The following NOS1 variants were observed in gnomAD, a reference collection of about 807,000 sequenced individuals.
The protein encoded by NOS1 is NOS type I.
In NOS1, 51 loss-of-function variants were observed where a neutral mutation model predicts 164.5. That is an observed-to-expected ratio of 0.31 (90% confidence interval 0.25 to 0.39). The LOEUF is 0.39. Ranked by LOEUF, NOS1 falls within the 10% of genes least tolerant of loss-of-function variation. The pLI is 1.00. For synonymous variants in NOS1, 719 were observed against 745.8 expected (o/e 0.96, Z 0.59); for missense variants, 1,362 against 1,885.6 (o/e 0.72, Z 5.14).
intron 7 of NOS1, among the ~76,000 whole-genome samples, chr12:117,283,334 T>C (rs1203636939): frequency 6.6e-6 from 1 of 152,150 alleles, no homozygotes; most frequent in Admixed American, 6.5e-5. Flanking sequence ...CTTGCTGGGA[T>C]TTCGGGCGTG....
intron 8 of NOS1, among the ~76,000 whole-genome samples, chr12:117,280,454 G>A (rs2136009935): frequency 6.6e-6 from 1 of 152,274 alleles, no homozygotes; most frequent in South Asian, 2.1e-4. Flanking sequence ...TAACTCACTT[G>A]GCCTTGGTGA....
Position 117,352,238 on chromosome 12 carries a change from A to T in NOS1, c.-421+9274T>A, listed in dbSNP as rs564143839. Among the ~76,000 whole-genome samples, 26 of 152,228 alleles carry T rather than the reference A, an allele frequency of 1.7e-4. No individual in the cohort carries two copies. The South Asian group carries it at 2.1e-3, about 12-fold the overall frequency. ...ATGCATACATAATACAGTGTTCAAG[A>T]GCCGATGTCATGGCACTGAACACTC... is the stretch of plus-strand genomic sequence containing the variant. On this transcript the variant is annotated intron_variant, in intron 1 of 28. Transcript: ENST00000317775.
chr12:117,339,707 G>A (rs1876007370), intron 1 of NOS1, among the ~76,000 whole-genome samples: 1 of 152,170 alleles, frequency 6.6e-6, no homozygotes, highest in Admixed American at 6.5e-5. Context: ...TAAATAAGCA[G>A]GAGATTAGAG....
Position 117,227,590 on chromosome 12 carries a change from C to T in NOS1, c.3457G>A (p.Glu1153Lys). 6.2e-7 allele frequency: 1 copy of T among 1,614,084 alleles called. No homozygotes were observed. Among genetic ancestry groups the T allele is most frequent in the Non-Finnish European group, 8.5e-7 (1 of 1,179,978 alleles). The change falls in exon 23 of 29, where the codon GAG (glutamate) becomes AAG (lysine). Residue 1153 changes from glutamate (E) to lysine (K), a missense_variant. Transcript: ENST00000317775. ...ATAGATGGGAACTCCTCCAGCACCT[C>T]CACGATGGTGGGGTTCTTGCCCCAT... ...WKWGKNPTIV[E>K]VLEEFPSIQM...
rs764017238 is a variant in NOS1 at position 117,234,590 on chromosome 12, C to A, written c.3210G>T (p.Leu1070=). Residue 1070 remains leucine (L), a synonymous_variant, in exon 21 of 29, where the codon CTG becomes CTT. Transcript: ENST00000317775. The surrounding 1 kb of genome is among the most constrained non-coding windows in gnomAD (Gnocchi z 4.3). ...CTAAAGCCGTGTTCCGCTCCTCCAG[C>A]AGTTCCACTTTCACCATCTGGTTGA... ...PPVNQMVKVE[L]LEERNTALGV... 6.2e-7 allele frequency: 1 copy of A among 1,613,976 alleles called. No individual in the cohort carries two copies. Among genetic ancestry groups the A allele is most frequent in the South Asian group, 1.1e-5 (1 of 91,038 alleles).
intron 25 of NOS1, among the ~76,000 whole-genome samples, chr12:117,223,575 T>TTTA (rs911793259): frequency 3.3e-5 from 5 of 151,430 alleles, no homozygotes; most frequent in Non-Finnish European, 5.9e-5. Flanking sequence ...ATTTATTTAT[T>TTTA]TTATTATTAT....
At chr12:117,303,610 C>T (rs1267064141) in intron 3 of NOS1, among the ~76,000 whole-genome samples, 1 of 152,154 alleles carries the variant, frequency 6.6e-6, no homozygotes, top group African/African-American at 2.4e-5. Flanking sequence ...CCGGCCCCGT[C>T]CCCACTCGAA....
rs1869529019 is a variant in NOS1 at position 117,234,450 on chromosome 12, C to T, written c.3235+115G>A. On this transcript the variant is annotated intron_variant, in intron 21 of 28. Transcript: ENST00000317775. The surrounding 1 kb of genome is among the most constrained non-coding windows in gnomAD (Gnocchi z 4.3). ...CTTTAGTCTCATAGGCTGTTAGCAA[C>T]AGACACCCACTCTCCTGCCTGGACT... 9.1e-7 allele frequency: 1 copy of T among 1,097,572 alleles called. No individual in the cohort carries two copies. Among genetic ancestry groups the T allele is most frequent in the South Asian group, 1.6e-5 (1 of 62,904 alleles). The allele number at this position is 1,097,572 out of a possible 1,614,324, so 68.0% of individuals were successfully genotyped here.
intron 1 of NOS1, among the ~76,000 whole-genome samples, chr12:117,345,973 C>T (rs557847198): frequency 2.4e-4 from 36 of 152,328 alleles, no homozygotes; most frequent in Admixed American, 5.9e-4. Flanking sequence ...ATGAAGCAGC[C>T]CTGTGAGAGG....
chr12:117,291,529 CTTTTTT>C (rs565345654), intron 3 of NOS1, among the ~76,000 whole-genome samples: 1 of 97,374 alleles, frequency 1.0e-5, no homozygotes, highest in Non-Finnish European at 2.0e-5. Context: ...TTACATCTGT[CTTTTTT>C]TTTTTTTTTT....
intron 22 of NOS1, among the ~76,000 whole-genome samples, chr12:117,230,365 G>C (rs1294592283): frequency 6.6e-6 from 1 of 152,220 alleles, no homozygotes; most frequent in African/African-American, 2.4e-5. Context: ...AAATAACTTT[G>C]TAAAGCTTAT....
Position 117,214,860 on chromosome 12 carries a change from CACACACAG to C in NOS1, c.*441_*448del, listed in dbSNP as rs1390094629. The C allele has an allele frequency of 3.6e-5, 36 of 986,588 alleles. No individual in the cohort carries two copies. The East Asian group carries it at 5.7e-4, about 16-fold the overall frequency. The allele number at this position is 986,588 out of a possible 1,614,324, so 61.1% of individuals were successfully genotyped here. ...ACACACACACACACACACACACACACACACACAGGCACGCACAACCAAAATGTCATCAT... is the reference window on the plus strand; with the variant it reads ...ACACACACACACACACACACACACACGCACGCACAACCAAAATGTCATCAT... On this transcript the variant is annotated 3_prime_UTR_variant, in exon 29 of 29. Transcript: ENST00000317775.
chr12:117,328,803 G>T (rs1435159327), intron 2 of NOS1, among the ~76,000 whole-genome samples: 1 of 152,210 alleles, frequency 6.6e-6, no homozygotes, highest in Non-Finnish European at 1.5e-5. Context: ...TAATGACGGG[G>T]ACACATTCTG....
At chr12:117,350,245 C>T (rs532558473) in intron 1 of NOS1, among the ~76,000 whole-genome samples, 4 of 152,198 alleles carry the variant, frequency 2.6e-5, no homozygotes, top group Non-Finnish European at 5.9e-5. Context: ...ATAAGACTTG[C>T]ATTCCTGGCT....
chr12:117,232,277 A>G (rs1234732479), intron 21 of NOS1, 146 bp from the exon 22 acceptor site: 2 of 644,724 alleles, frequency 3.1e-6, no homozygotes, highest in Non-Finnish European at 5.2e-6. Context: ...TCCACCTTCC[A>G]TGCCCAGAAT....
At chr12:117,309,735 A>C (rs1194257405) in intron 3 of NOS1, among the ~76,000 whole-genome samples, 2 of 152,228 alleles carry the variant, frequency 1.3e-5, no homozygotes, top group Admixed American at 6.5e-5. Context: ...ACATCTGAAC[A>C]GATTGGCAGA....
At chr12:117,351,991 G>A (rs926167352) in intron 1 of NOS1, among the ~76,000 whole-genome samples, 4 of 152,074 alleles carry the variant, frequency 2.6e-5, no homozygotes, top group African/African-American at 9.7e-5. Flanking sequence ...AACCACCTTG[G>A]GCAACATGGT....
intron 1 of NOS1, among the ~76,000 whole-genome samples, chr12:117,355,846 G>T (rs1056849259): frequency 6.6e-6 from 1 of 152,068 alleles, no homozygotes; most frequent in African/African-American, 2.4e-5. Context: ...TGCAACCTCC[G>T]CATCCTGGGC....
chr12:117,256,403 T>C (rs1871458779), intron 16 of NOS1, among the ~76,000 whole-genome samples: 2 of 150,886 alleles, frequency 1.3e-5, no homozygotes, highest in African/African-American at 4.9e-5. Context: ...CTCAGCCTCC[T>C]GAGTAGCTGG....
Sources: allele counts gnomAD v4.1 joint callset (sites outside exome capture counted in the v4.1 genomes callset), GRCh38; gene constraint gnomAD v4.1.1; non-coding constraint Gnocchi (gnomAD v3.1); transcripts MANE v1.5; gene names NCBI Gene and HGNC (gene_info 2026-07-23, HGNC 2026-07-21).